Variants in FRMPD4 observed in about 807,000 individuals in gnomAD.
The protein encoded by FRMPD4 is FERM and PDZ domain containing 4, also known as FERM and PDZ domain-containing protein 4.
In FRMPD4, 22 loss-of-function variants were observed where a neutral mutation model predicts 94.1. The ratio of observed to expected loss-of-function variants is 0.23; its 90% confidence interval spans 0.17 to 0.33. The LOEUF is 0.33. Among genes scored for constraint, FRMPD4 ranks in the 10% least tolerant of loss-of-function variants. The probability of loss-of-function intolerance (pLI) is 1.00; values close to 1 mark genes in which losing one functional copy is unlikely to be tolerated. For synonymous variants in FRMPD4, 631 were observed against 548.6 expected, an observed-to-expected ratio of 1.15 and a Z score of -2.10; for missense variants, 1,111 against 1,339.9, an observed-to-expected ratio of 0.83 and a Z score of 2.67.
At chrX:12,676,174 G>A (rs895764999) in intron 5 of FRMPD4, among the ~76,000 whole-genome samples, 1 of 112,346 alleles carries the variant, frequency 8.9e-6, no homozygotes, top group African/African-American at 3.2e-5. Context: ...CTAGCTCACA[G>A]CAGTATAACA....
intron 1 of FRMPD4, among the ~76,000 whole-genome samples, chrX:11,851,268 C>A (rs1170885838): frequency 2.7e-5 from 3 of 111,595 alleles, no homozygotes; most frequent in Non-Finnish European, 5.7e-5. Context: ...ACAGATTTGT[C>A]CAGTTTCATG....
chrX:12,408,351 A>C (rs991112904), intron 1 of FRMPD4, among the ~76,000 whole-genome samples: 3 of 109,970 alleles, frequency 2.7e-5, no homozygotes, highest in African/African-American at 9.9e-5. Flanking sequence ...GTTTTCTTTT[A>C]ATTAAAAATA....
At chrX:11,904,253 C>A (rs889147420) in intron 3 of FRMPD4, among the ~76,000 whole-genome samples, 1 of 111,847 alleles carries the variant, frequency 8.9e-6, no homozygotes, top group Non-Finnish European at 1.9e-5. Context: ...TTATTTCTTA[C>A]GATGTCTGTT....
intron 3 of FRMPD4, among the ~76,000 whole-genome samples, chrX:12,099,617 T>G (rs2055236977): frequency 8.9e-6 from 1 of 112,424 alleles, no homozygotes; most frequent in South Asian, 3.7e-4. Context: ...CTATAAATTT[T>G]ATAATGAGCA....
chrX:11,918,514 G>A (rs973129624), intron 3 of FRMPD4, among the ~76,000 whole-genome samples: 1 of 112,595 alleles, frequency 8.9e-6, no homozygotes, highest in Admixed American at 9.4e-5. Context: ...TGAGGTGGGA[G>A]AATCGCTTGA....
intron 9 of FRMPD4, 37 bp from the exon 10 acceptor site, chrX:12,701,837 C>A (rs1291854992): frequency 4.2e-6 from 5 of 1,201,075 alleles, no homozygotes; most frequent in Non-Finnish European, 5.6e-6. Flanking sequence ...GCGGCCTATT[C>A]TTTGACAAGC....
At chrX:12,217,811 A>G (rs1294510516) in intron 1 of FRMPD4, among the ~76,000 whole-genome samples, 2 of 112,239 alleles carry the variant, frequency 1.8e-5, no homozygotes, top group Non-Finnish European at 1.9e-5. Context: ...GAGAGATCAC[A>G]TGGTCTGCAA....
At chrX:12,288,851 A>AT (rs1333606079) in intron 1 of FRMPD4, among the ~76,000 whole-genome samples, 10 of 111,719 alleles carry the variant, frequency 9.0e-5, no homozygotes, top group African/African-American at 6.5e-5. Flanking sequence ...TTGTTGTATG[A>AT]TTTTTTCAAT....
chrX:11,869,221 A>C (rs1224187489), intron 2 of FRMPD4, among the ~76,000 whole-genome samples: 1 of 112,342 alleles, frequency 8.9e-6, no homozygotes, highest in Non-Finnish European at 1.9e-5. Context: ...TACCACATAT[A>C]TCTCTAAGAC....
At chrX:12,613,549 A>G (rs1425805607) in intron 3 of FRMPD4, among the ~76,000 whole-genome samples, 1 of 112,786 alleles carries the variant, frequency 8.9e-6, no homozygotes, top group Non-Finnish European at 1.9e-5. Flanking sequence ...CTTGGAAACA[A>G]CGGAAAGAGA....
At chrX:12,531,761 T>C (rs1406196624) in intron 2 of FRMPD4, among the ~76,000 whole-genome samples, 1 of 111,211 alleles carries the variant, frequency 9.0e-6, no homozygotes, top group Non-Finnish European at 1.9e-5. Flanking sequence ...TTATATTATC[T>C]ATCCCTTCTC....
chrX:12,671,310 C>G (rs1402831816), intron 4 of FRMPD4, among the ~76,000 whole-genome samples: 1 of 111,681 alleles, frequency 9.0e-6, no homozygotes, highest in Non-Finnish European at 1.9e-5. Context: ...GCACCATTCA[C>G]AATACCAAAG....
intron 3 of FRMPD4, among the ~76,000 whole-genome samples, chrX:12,092,790 G>A (rs1764699021): frequency 9.0e-6 from 1 of 111,557 alleles, no homozygotes; most frequent in Non-Finnish European, 1.9e-5. Flanking sequence ...TCAGACAAAA[G>A]CCTCAACTCC....
chrX:12,588,981 G>A (rs148977632), intron 2 of FRMPD4, among the ~76,000 whole-genome samples: 166 of 112,220 alleles, frequency 1.5e-3, no homozygotes, highest in Middle Eastern at 9.1e-3. Flanking sequence ...CTGTAAGAAT[G>A]TTTGGGGATC....
intron 1 of FRMPD4, among the ~76,000 whole-genome samples, chrX:12,242,993 C>A (rs964458325): frequency 3.6e-5 from 4 of 112,550 alleles, no homozygotes; most frequent in Non-Finnish European, 7.5e-5. Flanking sequence ...CCTTCCTTGG[C>A]CTCCCAAAGT....
intron 3 of FRMPD4, among the ~76,000 whole-genome samples, chrX:11,994,407 CT>C (rs1178209627): frequency 9.0e-6 from 1 of 111,530 alleles, no homozygotes; most frequent in African/African-American, 3.3e-5. Context: ...TCATTCTCTT[CT>C]TTTAAAAGGC....
intron 1 of FRMPD4, among the ~76,000 whole-genome samples, chrX:12,199,355 C>T (rs1220153441): frequency 2.8e-5 from 3 of 108,194 alleles, no homozygotes; most frequent in African/African-American, 6.8e-5. Context: ...GCCTCTGCTC[C>T]TTTCCATTCT....
intron 1 of FRMPD4, among the ~76,000 whole-genome samples, chrX:12,388,489 C>A (rs948290436): frequency 9.2e-6 from 1 of 108,571 alleles, no homozygotes; most frequent in Non-Finnish European, 1.9e-5. Context: ...CCTGTAGTCC[C>A]AGCTACTCGG....
At chrX:12,375,379 T>A (rs1947791074) in intron 1 of FRMPD4, among the ~76,000 whole-genome samples, 1 of 112,308 alleles carries the variant, frequency 8.9e-6, no homozygotes, top group Non-Finnish European at 1.9e-5. Flanking sequence ...GGCTTGTGGG[T>A]CACCACTTCT....
Sources: allele counts gnomAD v4.1 joint callset (sites outside exome capture counted in the v4.1 genomes callset), GRCh38; gene constraint gnomAD v4.1.1; transcripts MANE v1.5; gene names NCBI Gene and HGNC (gene_info 2026-07-23, HGNC 2026-07-21).